Variants in GSDME observed in about 807,000 individuals in gnomAD.
GSDME encodes gasdermin E, also known as gasdermin-E.
Under a neutral mutation model 47.5 loss-of-function variants are expected in GSDME, and 44 were observed. That is an observed-to-expected ratio of 0.93 (90% confidence interval 0.73 to 1.19). GSDME has a LOEUF of 1.19. Ranked by LOEUF, GSDME falls within the 50% of genes most tolerant of loss-of-function variation. The pLI, the probability that GSDME is intolerant of heterozygous loss-of-function variation, is 0.00. For synonymous variants in GSDME, 258 were observed against 252.8 expected (o/e 1.02, Z -0.20); for missense variants, 663 against 604.2 (o/e 1.10, Z -1.02).
rs77689820 is a variant in GSDME at position 24,736,957 on chromosome 7, G to A, written c.404+7605C>T. Among the ~76,000 whole-genome samples the A allele has an allele frequency of 0.011, 1,614 of 152,182 alleles. 27 individuals are homozygous for A. Among genetic ancestry groups the A allele is most frequent in the African/African-American group, 0.037 (1,519 of 41,536 alleles). ...CACTAAGAAAAATTGAAATTTTATT[G>A]AAACAAATGATAACAGAAACACAAC... On this transcript the variant is annotated intron_variant, in intron 3 of 9. Transcript: ENST00000645220. The surrounding 1 kb of genome is among the most constrained non-coding windows in gnomAD (Gnocchi z 4.6).
intron 1 of GSDME, among the ~76,000 whole-genome samples, chr7:24,750,656 T>C (rs1168911541): frequency 6.6e-6 from 1 of 152,210 alleles, no homozygotes; most frequent in Non-Finnish European, 1.5e-5. Flanking sequence ...AACAACCTAC[T>C]GACTATCATA....
At chr7:24,740,252 G>C (rs529664001) in intron 3 of GSDME, among the ~76,000 whole-genome samples, 1 of 152,214 alleles carries the variant, frequency 6.6e-6, no homozygotes, top group South Asian at 2.1e-4. Context: ...CATGGAGATA[G>C]AAAGTAGAGG....
chr7:24,766,894 G>A, the GSDME span, among the ~76,000 whole-genome samples: 2 of 152,280 alleles, frequency 1.3e-5, no homozygotes, highest in East Asian at 1.9e-4. The surrounding 1 kb of genome is among the most constrained non-coding windows in gnomAD (Gnocchi z 4.2). Flanking sequence ...CTTCCACAAC[G>A]GTTGACCTAA....
Position 24,712,157 on chromosome 7 carries a change from GAA to G in GSDME, c.698-1771_698-1770del, listed in dbSNP as rs568588528. Among the ~76,000 whole-genome samples, 4 of 152,206 alleles carry G rather than the reference GAA, an allele frequency of 2.6e-5. No homozygotes were observed. Among genetic ancestry groups the G allele is most frequent in the Non-Finnish European group, 5.9e-5 (4 of 68,034 alleles). ...GAAGAATGGCTGTCTAAAGACAAAG[GAA>G]ACGATCCCTGGGCTTTACCCACCTG... On this transcript the variant is annotated intron_variant, in intron 5 of 9. Transcript: ENST00000645220. The surrounding 1 kb of genome is among the most constrained non-coding windows in gnomAD (Gnocchi z 4.4).
the GSDME span, among the ~76,000 whole-genome samples, chr7:24,768,074 C>T: frequency 1.3e-5 from 2 of 152,178 alleles, no homozygotes; most frequent in Non-Finnish European, 2.9e-5. This position sits in a 1 kb window ranked among gnomAD's most constrained non-coding sequence, Gnocchi z 5.6. Context: ...CCCAAGGCTG[C>T]CCCCAGCTGG....
intron 1 of GSDME, among the ~76,000 whole-genome samples, chr7:24,751,590 A>G (rs762173576): frequency 2.6e-5 from 4 of 152,232 alleles, no homozygotes; most frequent in African/African-American, 9.6e-5. Context: ...TAACACTAGG[A>G]ATGAACATTT....
At chr7:24,794,299 CCTCT>C in the GSDME span, among the ~76,000 whole-genome samples, 17 of 148,338 alleles carry the variant, frequency 1.1e-4, no homozygotes, top group Admixed American at 2.0e-4. Context: ...CTCTTTCTCT[CCTCT>C]CTCTCTCTCC....
At position 24,709,552 on chromosome 7, in the gene GSDME, G is replaced by A. The variant is rs184384508; in HGVS notation, c.862+672C>T. 1.5e-4 allele frequency among the ~76,000 whole-genome samples: 23 copies of A among 151,986 alleles called. No homozygotes were observed. In the East Asian group the frequency reaches 2.9e-3, roughly 19 times the overall value. ...CTGTGCTTACCCTCCAAGCCAGCGC[G>A]CACACGGAGCGGTTCCTAGCTCTTT... On this transcript the variant is annotated intron_variant, in intron 6 of 9. Transcript: ENST00000645220.
chr7:24,750,009 G>A (rs1790805915), intron 1 of GSDME, among the ~76,000 whole-genome samples: 3 of 152,138 alleles, frequency 2.0e-5, no homozygotes, highest in South Asian at 2.1e-4. Flanking sequence ...GCTAGGTTAC[G>A]CTTCAGAAAC....
intron 5 of GSDME, 91 bp from the exon 6 acceptor site, chr7:24,710,479 C>T: frequency 8.0e-7 from 1 of 1,244,454 alleles, no homozygotes; most frequent in Non-Finnish European, 1.2e-6. Context: ...CTTGATGGCA[C>T]ATCTTAGACG....
intron 5 of GSDME, among the ~76,000 whole-genome samples, chr7:24,713,966 G>A (rs192976841): frequency 1.3e-5 from 2 of 152,314 alleles, no homozygotes; most frequent in East Asian, 3.9e-4. Context: ...TAAGGAAAGC[G>A]AGGTGGGGAA....
At chr7:24,717,227 T>C in intron 5 of GSDME, 27 bp downstream of exon 5, 1 of 1,613,552 alleles carries the variant, frequency 6.2e-7, no homozygotes, top group African/African-American at 1.3e-5. Flanking sequence ...TGGGGATCCC[T>C]CAGCACCCAT....
intron 1 of GSDME, 84 bp from the exon 2 acceptor site, chr7:24,749,877 A>C: frequency 1.2e-6 from 1 of 846,362 alleles, no homozygotes; most frequent in South Asian, 1.5e-5. Context: ...ATTTCTCCCT[A>C]TTCACAACAG....
chr7:24,730,167 C>A (rs1037883735), intron 3 of GSDME, among the ~76,000 whole-genome samples: 2 of 152,200 alleles, frequency 1.3e-5, no homozygotes, highest in Admixed American at 1.3e-4. Flanking sequence ...GTGTCAAACA[C>A]TATATGAACA....
rs746161882 is a variant in GSDME at position 24,712,351 on chromosome 7, A to G, written c.698-1963T>C. Among the ~76,000 whole-genome samples, 3 of 152,166 alleles carry G rather than the reference A, an allele frequency of 2.0e-5. No individual in the cohort carries two copies. The highest frequency in any genetic ancestry group is 2.9e-5 in the Non-Finnish European group (2 of 68,034). The stretch of plus-strand genomic sequence containing the variant: ...TGCCAGAAGCCCTGCCAGGTCCCCA[A>G]AATAATGTGGAACCAACTGGCATTT... On this transcript the variant is annotated intron_variant, in intron 5 of 9. Coordinates refer to ENST00000645220, the MANE Select transcript of GSDME (RefSeq NM_001127453.2). The surrounding 1 kb of genome is among the most constrained non-coding windows in gnomAD (Gnocchi z 4.4).
chr7:24,702,156 A>C (rs1451175457), intron 9 of GSDME, among the ~76,000 whole-genome samples: 1 of 152,232 alleles, frequency 6.6e-6, no homozygotes, highest in Non-Finnish European at 1.5e-5. Context: ...CTTCAGGGCA[A>C]CCTGTTGGTG....
chr7:24,794,278 T>C, the GSDME span, among the ~76,000 whole-genome samples: 1 of 127,042 alleles, frequency 7.9e-6, no homozygotes, highest in Non-Finnish European at 1.6e-5. Context: ...CTCTCTCTCT[T>C]TCCTCTCTCT....
At chr7:24,794,457 AC>A in the GSDME span, among the ~76,000 whole-genome samples, 2 of 152,124 alleles carry the variant, frequency 1.3e-5, no homozygotes, top group Non-Finnish European at 2.9e-5. Context: ...TGTCACTAGT[AC>A]TACTGCTGCC....
At chr7:24,707,002 T>A (rs568309435) in intron 7 of GSDME, among the ~76,000 whole-genome samples, 7 of 152,204 alleles carry the variant, frequency 4.6e-5, no homozygotes, top group Non-Finnish European at 7.3e-5. Context: ...CATTTTCCTC[T>A]TGGAAGAAGT....
Sources: allele counts gnomAD v4.1 joint callset (sites outside exome capture counted in the v4.1 genomes callset), GRCh38; gene constraint gnomAD v4.1.1; non-coding constraint Gnocchi (gnomAD v3.1); transcripts MANE v1.5; gene names NCBI Gene and HGNC (gene_info 2026-07-23, HGNC 2026-07-21).